GATAD2B: variants seen among roughly 807,000 people sequenced by gnomAD.
GATAD2B encodes the protein transcriptional repressor p66-beta.
Under a neutral mutation model 64.3 loss-of-function variants are expected in GATAD2B, and 8 were observed. The observed-to-expected ratio is 0.12, with a 90% CI of 0.07 to 0.22. The LOEUF is 0.22. Ranked by LOEUF, GATAD2B falls within the 10% of genes least tolerant of loss-of-function variation. GATAD2B has a pLI of 1.00. For synonymous variants in GATAD2B, 281 were observed against 271.3 expected (o/e 1.04, Z -0.35); for missense variants, 453 against 752.0 (o/e 0.60, Z 4.65).
chr1:153,880,476 AAAAC>A (rs1325089501), intron 1 of GATAD2B, among the ~76,000 whole-genome samples: 5 of 151,952 alleles, frequency 3.3e-5, no homozygotes. Flanking sequence ...AACAAAAACA[AAAAC>A]AAAAAACAAA....
intron 1 of GATAD2B, among the ~76,000 whole-genome samples, chr1:153,836,969 G>GT (rs1485044561): frequency 2.6e-5 from 4 of 152,202 alleles, no homozygotes; most frequent in African/African-American, 9.7e-5. Context: ...AATGTCTGAG[G>GT]TAAGTCTTTC....
intron 2 of GATAD2B, among the ~76,000 whole-genome samples, chr1:153,825,468 G>C (rs916767883): frequency 7.9e-5 from 12 of 152,144 alleles, no homozygotes; most frequent in Non-Finnish European, 1.5e-5. Context: ...CTGTTGCCCA[G>C]GTTGGAGTGC....
chr1:153,812,167 G>T, intron 8 of GATAD2B, 35 bp from the exon 9 acceptor site: 1 of 1,129,428 alleles, frequency 8.9e-7, no homozygotes, highest in Non-Finnish European at 1.3e-6. Flanking sequence ...GATTGAGCAG[G>T]ACAGCACCCA....
At chr1:153,835,385 GGA>G (rs1166752712) in intron 1 of GATAD2B, among the ~76,000 whole-genome samples, 1 of 152,068 alleles carries the variant, frequency 6.6e-6, no homozygotes, top group Non-Finnish European at 1.5e-5. Context: ...TTTCATGAAA[GGA>G]GAGTCAATCC....
chr1:153,814,068 CTG>C (rs1287311337), intron 7 of GATAD2B, among the ~76,000 whole-genome samples: 2 of 152,212 alleles, frequency 1.3e-5, no homozygotes, highest in Non-Finnish European at 2.9e-5. Context: ...GAAGAAAATA[CTG>C]TGTCAATTCA....
chr1:153,851,472 T>C (rs35005081), intron 1 of GATAD2B, among the ~76,000 whole-genome samples: 290 of 152,294 alleles, frequency 1.9e-3, no homozygotes, highest in South Asian at 6.4e-3. Flanking sequence ...CATCTTGACA[T>C]TGACAGGTGT....
chr1:153,819,689 A>G lies in GATAD2B; in HGVS notation c.382T>C (p.Leu128=), dbSNP rs762877710. The G allele has an allele frequency of 6.2e-7, 1 of 1,610,342 alleles. No individual in the cohort carries two copies. Among genetic ancestry groups the G allele is most frequent in the Non-Finnish European group, 8.5e-7 (1 of 1,177,378 alleles). ...GGACTGGAAGCCTCATTGTCAGACA[A>G]AACAATGATGTCTGGTGAGGGAGTT... The part of the protein sequence containing the change: ...RLTPSPDIIV[L]SDNEASSPRS... The change falls in exon 3 of 11, where the codon TTG becomes CTG. Residue 128 remains leucine, a synonymous_variant. Coordinates refer to ENST00000368655, the MANE Select transcript of GATAD2B (RefSeq NM_020699.4).
At chr1:153,828,802 A>G (rs1025081623) in intron 1 of GATAD2B, among the ~76,000 whole-genome samples, 1 of 152,220 alleles carries the variant, frequency 6.6e-6, no homozygotes, top group Non-Finnish European at 1.5e-5. Context: ...TCAGGTGCTT[A>G]GCCTGATAAG....
At chr1:153,860,328 C>T (rs961488867) in intron 1 of GATAD2B, among the ~76,000 whole-genome samples, 5 of 152,064 alleles carry the variant, frequency 3.3e-5, no homozygotes, top group African/African-American at 1.2e-4. Context: ...TGTAGTTAAA[C>T]TATTTTCTTT....
At chr1:153,879,412 C>G (rs1382372520) in intron 1 of GATAD2B, among the ~76,000 whole-genome samples, 1 of 152,052 alleles carries the variant, frequency 6.6e-6, no homozygotes, top group Non-Finnish European at 1.5e-5. Context: ...TCATTTTCAC[C>G]TAACACAAAA....
At position 153,873,078 on chromosome 1, in the gene GATAD2B, T is replaced by A. The variant is rs1320298171; in HGVS notation, c.-1-44730A>T. Among the ~76,000 whole-genome samples the A allele has an allele frequency of 3.3e-5, 5 of 152,148 alleles. No homozygotes were observed. The South Asian group carries it at 1.0e-3, about 32-fold the overall frequency. On this transcript the variant is annotated intron_variant, in intron 1 of 10. Transcript: ENST00000368655. ...GGTTACCCTAACGTTTTAATCAGCA[T>A]TGCTTTTGGATATCACTGCAAATGT...
chr1:153,917,490 GT>G (rs1458486803), intron 1 of GATAD2B, among the ~76,000 whole-genome samples: 2 of 151,850 alleles, frequency 1.3e-5, no homozygotes, highest in Non-Finnish European at 2.9e-5. Context: ...CACCTCCCAG[GT>G]TCAAGCTATT....
At chr1:153,850,878 G>A (rs976473619) in intron 1 of GATAD2B, among the ~76,000 whole-genome samples, 7 of 151,288 alleles carry the variant, frequency 4.6e-5, no homozygotes, top group Non-Finnish European at 7.4e-5. Flanking sequence ...CCGGGAACGC[G>A]CCACTACACT....
intron 2 of GATAD2B, among the ~76,000 whole-genome samples, chr1:153,822,044 G>A (rs1674702203): frequency 6.6e-6 from 1 of 151,914 alleles, no homozygotes; most frequent in Admixed American, 6.6e-5. Flanking sequence ...AGCCGGGCAT[G>A]GTAGTATACG....
At chr1:153,875,276 C>A (rs558609686) in intron 1 of GATAD2B, among the ~76,000 whole-genome samples, 12 of 152,216 alleles carry the variant, frequency 7.9e-5, no homozygotes, top group African/African-American at 2.4e-4. Context: ...GGGCATCCAA[C>A]CTTTTGGCTT....
intron 1 of GATAD2B, among the ~76,000 whole-genome samples, chr1:153,847,429 G>A (rs930920781): frequency 6.6e-6 from 1 of 152,112 alleles, no homozygotes; most frequent in Non-Finnish European, 1.5e-5. Flanking sequence ...CTATCACCCA[G>A]CCTGAAGCGC....
At chr1:153,852,411 T>C (rs1382857198) in intron 1 of GATAD2B, 6 of 786,736 alleles carry the variant, frequency 7.6e-6, no homozygotes, top group East Asian at 2.5e-5. Context: ...GTGGTCATCA[T>C]GGATGTTGGA....
intron 1 of GATAD2B, among the ~76,000 whole-genome samples, chr1:153,873,502 AG>A (rs1362671597): frequency 1.3e-5 from 2 of 152,206 alleles, no homozygotes; most frequent in Non-Finnish European, 2.9e-5. Flanking sequence ...CTGTAATAAA[AG>A]CCAATGTGGC....
intron 1 of GATAD2B, among the ~76,000 whole-genome samples, chr1:153,902,135 C>T (rs1255690314): frequency 6.6e-6 from 1 of 151,996 alleles, no homozygotes; most frequent in Non-Finnish European, 1.5e-5. Context: ...ACAAAATTAG[C>T]TGGGCATGGT....
Sources: allele counts gnomAD v4.1 joint callset (sites outside exome capture counted in the v4.1 genomes callset), GRCh38; gene constraint gnomAD v4.1.1; transcripts MANE v1.5; gene names NCBI Gene and HGNC (gene_info 2026-07-23, HGNC 2026-07-21).